KCNAB2: variants seen among roughly 807,000 people sequenced by gnomAD.
KCNAB2 encodes voltage-gated potassium channel subunit beta-2.
Under a neutral mutation model 63.6 loss-of-function variants are expected in KCNAB2, and 29 were observed. The observed-to-expected ratio is 0.46, with a 90% CI of 0.34 to 0.62. The LOEUF (loss-of-function observed/expected upper bound fraction) is 0.62. Among genes scored for constraint, KCNAB2 ranks in the 20% least tolerant of loss-of-function variants. The probability of loss-of-function intolerance (pLI) is 0.01; values close to 1 mark genes in which losing one functional copy is unlikely to be tolerated. For synonymous variants in KCNAB2, 222 were observed against 224.2 expected (o/e 0.99, Z 0.09); for missense variants, 359 against 563.9 (o/e 0.64, Z 3.68).
chr1:6,067,768 G>A (rs1297894890), intron 2 of KCNAB2, among the ~76,000 whole-genome samples: 1 of 152,166 alleles, frequency 6.6e-6, no homozygotes, highest in Non-Finnish European at 1.5e-5. Context: ...GGTGGCTCAT[G>A]CCTGTGATCC....
chr1:6,057,324 G>C (rs1661924786), intron 2 of KCNAB2, among the ~76,000 whole-genome samples: 1 of 152,090 alleles, frequency 6.6e-6, no homozygotes, highest in African/African-American at 2.4e-5. Flanking sequence ...TACTTGGTTG[G>C]TTGCCAGGTT....
intron 2 of KCNAB2, among the ~76,000 whole-genome samples, chr1:6,058,398 G>T (rs545766036): frequency 1.9e-4 from 29 of 152,308 alleles, no homozygotes; most frequent in African/African-American, 5.5e-4. Context: ...AGGAACCCGG[G>T]CTCCCACCGG....
rs772422878 is a variant in KCNAB2 at position 6,051,551 on chromosome 1, G to A, written c.15G>A (p.Thr5=). Residue 5 remains threonine, a synonymous_variant, in exon 2 of 16, where the codon ACG becomes ACA. Transcript: ENST00000378083. ...CAGGCGGCACCATGCTGTCCATGAC[G>A]TACAGCGAGAGTCTGCGGAGCGTGA... MLSM[T]YSESLRSVSS... The A allele has an allele frequency of 1.2e-5, 18 of 1,530,592 alleles. No individual in the cohort carries two copies. The highest frequency in any genetic ancestry group is 3.9e-5 in the Admixed American group (2 of 50,784). 94.8% of individuals were successfully genotyped at this position (1,530,592 alleles called of 1,614,324 possible). A position where few individuals can be genotyped will look rare whatever the true frequency, so the allele number is the denominator to read the frequency against.
At chr1:6,048,875 G>A (rs1175240764) in intron 1 of KCNAB2, among the ~76,000 whole-genome samples, 1 of 152,254 alleles carries the variant, frequency 6.6e-6, no homozygotes, top group East Asian at 1.9e-4. Flanking sequence ...GGCAGGGAAG[G>A]GAAGCTGGTG....
upstream of KCNAB2, among the ~76,000 whole-genome samples, chr1:6,032,188 CA>C (rs1256597087): frequency 4.6e-5 from 7 of 152,272 alleles, no homozygotes; most frequent in African/African-American, 1.7e-4. Context: ...AGAAAAACTG[CA>C]GTTGAGAAAA....
intron 4 of KCNAB2, among the ~76,000 whole-genome samples, chr1:6,076,613 G>GC (rs552787369): frequency 1.9e-3 from 288 of 152,366 alleles, no homozygotes; most frequent in African/African-American, 6.6e-3. Flanking sequence ...ATAAACAGGT[G>GC]CAGGGGCCTC....
chr1:6,025,996 G>T, intron 1 of KCNAB2: 1 of 154,410 alleles, frequency 6.5e-6, no homozygotes, highest in Non-Finnish European at 1.5e-5. Context: ...TGGCAGCAGT[G>T]AGGGGAGCTC....
upstream of KCNAB2, among the ~76,000 whole-genome samples, chr1:6,029,494 A>G (rs1045865920): frequency 1.4e-4 from 21 of 152,184 alleles, no homozygotes; most frequent in Admixed American, 6.5e-4. Context: ...ACAGATGTCC[A>G]GGAAGCAGCT....
Position 6,096,495 on chromosome 1 carries a change from C to A in KCNAB2, c.949-141C>A. On this transcript the variant is annotated intron_variant, in intron 13 of 15. Coordinates refer to ENST00000378083, the MANE Select transcript of KCNAB2 (RefSeq NM_001199862.2). The surrounding 1 kb of genome is among the most constrained non-coding windows in gnomAD (Gnocchi z 5.9). Reference sequence around the variant, plus strand: ...CTACTTGAGAGGCCTGGGGCAGGGGCACTGCCCTGGCTTCAAGATGAGAAG... The same window carrying A: ...CTACTTGAGAGGCCTGGGGCAGGGGAACTGCCCTGGCTTCAAGATGAGAAG... 8.5e-7 allele frequency: 1 copy of A among 1,174,178 alleles called. No individual in the cohort carries two copies. The highest frequency in any genetic ancestry group is 1.2e-6 in the Non-Finnish European group (1 of 849,394). 72.7% of individuals were successfully genotyped at this position (1,174,178 alleles called of 1,614,324 possible).
In KCNAB2 at chr1:6,100,090, C is replaced by G; in HGVS notation, c.*1516C>G. The G allele has an allele frequency of 2.8e-6, 4 of 1,450,648 alleles. No homozygotes were observed. The highest frequency in any genetic ancestry group is 3.6e-6 in the Non-Finnish European group (4 of 1,099,434). 89.9% of individuals were successfully genotyped at this position (1,450,648 alleles called of 1,614,324 possible). A position where few individuals can be genotyped will look rare whatever the true frequency, so the allele number is the denominator to read the frequency against. ...TGCAGGCACCTCTGTTCCCGCTTTGCCCCTGGAGGAGCCACTATTCCAGAA... is the reference window on the plus strand; with the variant it reads ...TGCAGGCACCTCTGTTCCCGCTTTGGCCCTGGAGGAGCCACTATTCCAGAA... On this transcript the variant is annotated 3_prime_UTR_variant, in exon 16 of 16. Transcript: ENST00000378083.
chr1:6,099,744 G>T lies in KCNAB2; in HGVS notation c.*1170G>T, dbSNP rs1665906670. 6.9e-7 allele frequency: 1 copy of T among 1,452,162 alleles called. No individual in the cohort carries two copies. 90.0% of individuals were successfully genotyped at this position (1,452,162 alleles called of 1,614,324 possible). A position where few individuals can be genotyped will look rare whatever the true frequency, so the allele number is the denominator to read the frequency against. On this transcript the variant is annotated 3_prime_UTR_variant, in exon 16 of 16. Coordinates refer to ENST00000378083, the MANE Select transcript of KCNAB2 (RefSeq NM_001199862.2). ...ACAGCACCCCCACAATGTAGGAAAAGACCTCAGGGAACCTCTCCCTGGAAA... is the reference window on the plus strand; with the variant it reads ...ACAGCACCCCCACAATGTAGGAAAATACCTCAGGGAACCTCTCCCTGGAAA...
chr1:6,041,227 G>A (rs537092420), upstream of KCNAB2: 92 of 157,232 alleles, frequency 5.9e-4, no homozygotes, highest in South Asian at 0.015. Flanking sequence ...GCTGCGGAGG[G>A]CGTTCAGTGA....
At chr1:6,032,630 AAAGGAAGGAAAG>A (rs1437168779), upstream of KCNAB2, among the ~76,000 whole-genome samples, 3 of 151,982 alleles carry the variant, frequency 2.0e-5, no homozygotes, top group Non-Finnish European at 4.4e-5. Context: ...GAAAGAAAGA[AAAGGAAGGAAAG>A]AAGGAAGGAA....
At chr1:6,077,017 C>T (rs747986298) in intron 4 of KCNAB2, among the ~76,000 whole-genome samples, 7 of 152,046 alleles carry the variant, frequency 4.6e-5, no homozygotes, top group Non-Finnish European at 1.0e-4. Flanking sequence ...AACCCCATCT[C>T]TACTAAAAAT....
At chr1:5,993,878 C>A (rs1056150035) in intron 1 of KCNAB2, among the ~76,000 whole-genome samples, 3 of 152,154 alleles carry the variant, frequency 2.0e-5, no homozygotes, top group African/African-American at 7.2e-5. Context: ...CTTGACCCTG[C>A]GGTTAGCAGG....
intron 1 of KCNAB2, among the ~76,000 whole-genome samples, chr1:6,011,804 G>A (rs1267420453): frequency 6.6e-6 from 1 of 152,214 alleles, no homozygotes; most frequent in Non-Finnish European, 1.5e-5. Context: ...GCCCAGGGCA[G>A]GGGGGTGGGC....
At chr1:6,038,591 A>T (rs144456617) in intron 1 of KCNAB2, among the ~76,000 whole-genome samples, 1 of 152,194 alleles carries the variant, frequency 6.6e-6, no homozygotes, top group East Asian at 1.9e-4. Flanking sequence ...CTGGTATTCC[A>T]GGCTGGTCCC....
intron 10 of KCNAB2, among the ~76,000 whole-genome samples, chr1:6,091,533 C>T (rs945930454): frequency 9.9e-5 from 15 of 152,106 alleles, no homozygotes; most frequent in African/African-American, 3.1e-4. Context: ...TCCTTCCTCC[C>T]GTGCATGGCC....
chr1:5,994,632 A>T lies in KCNAB2; in HGVS notation c.-53+1844A>T, dbSNP rs1310348685. Among the ~76,000 whole-genome samples the T allele has an allele frequency of 6.6e-6, 1 of 152,060 alleles. No individual in the cohort carries two copies. Among genetic ancestry groups the T allele is most frequent in the Non-Finnish European group, 1.5e-5 (1 of 68,010 alleles). ...TTGGGGGGTGTCGTGAAAAAGTGTG[A>T]AACCCTTTTCGTGTGTTTCTTGGTT... On this transcript the variant is annotated intron_variant, in intron 1 of 16. Transcript: ENST00000341524. This position sits in a 1 kb window ranked among gnomAD's most constrained non-coding sequence, Gnocchi z 5.4.
Sources: allele counts gnomAD v4.1 joint callset (sites outside exome capture counted in the v4.1 genomes callset), GRCh38; gene constraint gnomAD v4.1.1; non-coding constraint Gnocchi (gnomAD v3.1); transcripts MANE v1.5; gene names NCBI Gene and HGNC (gene_info 2026-07-23, HGNC 2026-07-21).